Variants in DOCK7 observed in about 807,000 individuals in gnomAD.
DOCK7 encodes dedicator of cytokinesis 7, also known as dedicator of cytokinesis protein 7.
In DOCK7, 138 loss-of-function variants were observed where a neutral mutation model predicts 271.0. The observed-to-expected ratio is 0.51, with a 90% CI of 0.44 to 0.59. The LOEUF (loss-of-function observed/expected upper bound fraction) is 0.59. Among genes scored for constraint, DOCK7 ranks in the 20% least tolerant of loss-of-function variants. The probability of loss-of-function intolerance (pLI) is 0.00; values close to 1 mark genes in which losing one functional copy is unlikely to be tolerated. For synonymous variants in DOCK7, 823 were observed against 876.1 expected (o/e 0.94, Z 1.07); for missense variants, 2,066 against 2,592.4 (o/e 0.80, Z 4.41).
intron 11 of DOCK7, among the ~76,000 whole-genome samples, chr1:62,626,116 G>T (rs1210855215): frequency 6.6e-6 from 1 of 152,054 alleles, no homozygotes; most frequent in Non-Finnish European, 1.5e-5. Context: ...ATGTATGTAA[G>T]TATAATAGCC....
chr1:62,505,690 C>G lies in DOCK7; in HGVS notation c.4603G>C (p.Val1535Leu), dbSNP rs1451411915. 2 of 1,605,192 alleles carry G rather than the reference C, an allele frequency of 1.2e-6. No individual in the cohort carries two copies. ...QHCFATQRAL[V>L]SKFPELLFEE... ...GGTACAAAATAACCTACCTTTGAAA[C>G]CAAGGCTCTCTGTGTAGCAAAACAG... The change falls in exon 36 of 50, where the codon GTT (valine) becomes CTT (leucine). Residue 1535 changes from valine to leucine, a missense_variant. Physicochemically the swap from Val to Leu is conservative, Grantham distance 32. Coordinates refer to ENST00000635253, the MANE Select transcript of DOCK7 (RefSeq NM_001367561.1).
intron 7 of DOCK7, among the ~76,000 whole-genome samples, chr1:62,639,571 A>G (rs1156604014): frequency 6.6e-6 from 1 of 150,664 alleles, no homozygotes; most frequent in Admixed American, 6.7e-5. Context: ...AGTAGCTGGG[A>G]TTACAGGCGC....
At chr1:62,558,695 T>C (rs1263719529) in intron 20 of DOCK7, among the ~76,000 whole-genome samples, 2 of 152,166 alleles carry the variant, frequency 1.3e-5, no homozygotes, top group Non-Finnish European at 2.9e-5. Flanking sequence ...TCAGGAACCA[T>C]GCCCTGAACA....
intron 14 of DOCK7, among the ~76,000 whole-genome samples, chr1:62,595,675 T>C (rs376195719): frequency 5.9e-5 from 9 of 152,300 alleles, no homozygotes; most frequent in African/African-American, 2.2e-4. Context: ...ACTCCTTTAA[T>C]ATCAGCACTT....
rs1289047294 is a variant in DOCK7, at chr1:62,575,749, T to C, written c.2112+1513A>G. ...TCACATATCAAGCAGCTATATTATA[T>C]GTCTACAGTCAAATCCAAATTATCA... On this transcript the variant is annotated intron_variant, in intron 18 of 49. Coordinates refer to ENST00000635253, the MANE Select transcript of DOCK7 (RefSeq NM_001367561.1). Among the ~76,000 whole-genome samples the C allele has an allele frequency of 3.9e-5, 6 of 152,202 alleles. No individual in the cohort carries two copies. The South Asian group carries it at 8.3e-4, about 21-fold the overall frequency.
At chr1:62,684,475 T>G (rs79621076) in intron 1 of DOCK7, among the ~76,000 whole-genome samples, 1 of 152,246 alleles carries the variant, frequency 6.6e-6, no homozygotes, top group East Asian at 1.9e-4. Flanking sequence ...ATTGAGGCTG[T>G]TATCCCCATT....
chr1:62,647,852 T>G, intron 6 of DOCK7, 76 bp from the exon 7 acceptor site: 1 of 1,102,524 alleles, frequency 9.1e-7, no homozygotes, highest in Non-Finnish European at 1.3e-6. Context: ...GAACTTACTT[T>G]ACTAATCTAA....
chr1:62,517,983 T>C (rs1213920206), intron 31 of DOCK7, among the ~76,000 whole-genome samples: 1 of 152,208 alleles, frequency 6.6e-6, no homozygotes, highest in Non-Finnish European at 1.5e-5. Context: ...AATTATATTT[T>C]CTAACGGACT....
rs770299891 is a variant in DOCK7, at chr1:62,542,622, A to G, written c.3031T>C (p.Phe1011Leu). 1.1e-5 allele frequency: 18 copies of G among 1,611,704 alleles called. No individual in the cohort carries two copies. The highest frequency in any genetic ancestry group is 1.4e-5 in the Non-Finnish European group (17 of 1,178,848). ...TTTTTGCTCACCATTAATTCAAAAA[A>G]GAACCAGGCTTGTTGCAAAGCTGAT... ...RESALQQAWF[F>L]FELMVKSMVH... The change falls in exon 25 of 50, where the codon TTT becomes CTT. Residue 1011 changes from phenylalanine (F) to leucine (L), a missense_variant. By Grantham distance (22) the Phe-to-Leu change is conservative. Transcript: ENST00000635253.
chr1:62,495,613 C>A lies in DOCK7; in HGVS notation c.4992G>T (p.Glu1664Asp), dbSNP rs1464481431. 1.9e-6 allele frequency: 3 copies of A among 1,589,124 alleles called. No individual in the cohort carries two copies. In the East Asian group the frequency reaches 6.9e-5, roughly 36 times the overall value. The change falls in exon 39 of 50, where the codon GAG (glutamate) becomes GAT (aspartate). Residue 1664 changes from glutamate (E) to aspartate (D), a missense_variant. By Grantham distance (45) the Glu-to-Asp change is conservative (BLOSUM62 2). Around this residue, in one of 2 missense-constraint regions of DOCK7, gnomAD observed 652 missense variants for 922.1 expected, o/e 0.71. Transcript: ENST00000635253. ...TTAGATCAATCAACATTTCAGGATC[C>A]TCCTGGTGTTCCTTCATTTTCACAG... ...SDTVKMKEHQEDPEMLIDLMY... is the reference protein window; with the variant it reads ...SDTVKMKEHQDDPEMLIDLMY...
At chr1:62,547,737 T>C (rs979334256) in intron 22 of DOCK7, among the ~76,000 whole-genome samples, 4 of 152,170 alleles carry the variant, frequency 2.6e-5, no homozygotes, top group African/African-American at 9.6e-5. Context: ...ATTACTAGAA[T>C]TAAGAAAGCA....
At chr1:62,680,400 A>G (rs889400303) in intron 1 of DOCK7, among the ~76,000 whole-genome samples, 26 of 152,274 alleles carry the variant, frequency 1.7e-4, no homozygotes, top group African/African-American at 6.0e-4. Context: ...AGATGGATTA[A>G]AGACTTACAT....
chr1:62,537,316 T>C (rs1571448424), intron 28 of DOCK7, among the ~76,000 whole-genome samples: 2 of 151,822 alleles, frequency 1.3e-5, no homozygotes, highest in South Asian at 4.2e-4. Flanking sequence ...GGAGCGGTGG[T>C]TCATGCCTGT....
chr1:62,644,430 G>C (rs1172641012), intron 7 of DOCK7, among the ~76,000 whole-genome samples: 1 of 152,168 alleles, frequency 6.6e-6, no homozygotes, highest in Non-Finnish European at 1.5e-5. Flanking sequence ...TTATGCAGGA[G>C]CATTTCCATC....
Position 62,513,068 on chromosome 1 carries a change from GGGGTAT to G in DOCK7, c.4282+370_4282+375del, listed in dbSNP as rs562698242. Among the ~76,000 whole-genome samples the G allele has an allele frequency of 5.3e-3, 809 of 152,076 alleles. 10 individuals carry two copies. Among genetic ancestry groups the G allele is most frequent in the African/African-American group, 0.018 (762 of 41,482 alleles). The stretch of plus-strand genomic sequence containing the variant: ...TAATGGGGGAGGCTACGCATACTAA[GGGGTAT>G]ATGGGAAATCTCTGTACCTTTGCTC... On this transcript the variant is annotated intron_variant, in intron 33 of 49. Transcript: ENST00000635253.
Position 62,688,385 on chromosome 1 carries a change from C to G in DOCK7, c.-121G>C. ...GCCTCCGCCAGTCCGGGCTCCGGAC[C>G]TGGGAGGCTGGGGCTGGCGGCCGGA... On this transcript the variant is annotated 5_prime_UTR_variant, in exon 1 of 50. Coordinates refer to ENST00000635253, the MANE Select transcript of DOCK7 (RefSeq NM_001367561.1). The G allele has an allele frequency of 9.3e-6, 5 of 535,150 alleles. No individual in the cohort carries two copies. Among genetic ancestry groups the G allele is most frequent in the South Asian group, 8.5e-5 (1 of 11,702 alleles). The allele number at this position is 535,150 out of a possible 1,614,324, so 33.2% of individuals were successfully genotyped here.
In DOCK7 at chr1:62,618,699, C is replaced by T. The variant is rs776242599; in HGVS notation, c.1682+7G>A. 1.1e-5 allele frequency: 18 copies of T among 1,609,274 alleles called. No homozygotes were observed. The highest frequency in any genetic ancestry group is 1.7e-5 in the Admixed American group (1 of 59,910). The stretch of plus-strand genomic sequence containing the variant: ...CTATCAGAATTCTCCAAATTAAAAT[C>T]TCTTACCTGTAAGTAGTGTTTGGAA... On this transcript the variant is annotated splice_region_variant and intron_variant, in intron 14 of 49. Coordinates refer to ENST00000635253, the MANE Select transcript of DOCK7 (RefSeq NM_001367561.1).
chr1:62,483,085 G>A (rs982051862), intron 43 of DOCK7: 2 of 148,642 alleles, frequency 1.3e-5, no homozygotes, highest in Admixed American at 1.4e-4. Flanking sequence ...ATAGTTCACT[G>A]TAACCTCAAA....
At chr1:62,609,584 CA>C (rs1239534876) in intron 14 of DOCK7, 1 of 152,120 alleles carries the variant, frequency 6.6e-6, no homozygotes, top group Non-Finnish European at 1.5e-5. Context: ...TTTTTAAAAA[CA>C]GGTTCTTCCG....
Sources: gnomAD v4.1 joint callset for allele counts (sites outside exome capture counted in the v4.1 genomes callset) on GRCh38, gnomAD v4.1.1 for gene constraint, gnomAD v4.1.1 regional missense constraint, MANE v1.5 for transcripts, NCBI Gene and HGNC (gene_info 2026-07-23, HGNC 2026-07-21) for gene names.